SH3BGRL2: variants seen among roughly 807,000 people sequenced by gnomAD.
The protein encoded by SH3BGRL2 is SH3 domain binding glutamate rich protein like 2, also known as SH3 domain-binding glutamic acid-rich-like protein 2.
A neutral mutation model predicts 14.8 loss-of-function variants in SH3BGRL2; 21 were observed. The observed-to-expected ratio is 1.42, with a 90% CI of 1.01 to 2.05. SH3BGRL2 has a LOEUF of 2.05. Among genes scored for constraint, SH3BGRL2 ranks in the 30% most tolerant of loss-of-function variants. SH3BGRL2 has a pLI of 0.00. For missense variants in SH3BGRL2, 147 were observed against 130.8 expected, an observed-to-expected ratio of 1.12 and a Z score of -0.61; for synonymous variants, 50 against 47.8, an observed-to-expected ratio of 1.05 and a Z score of -0.19.
chr6:79,652,368 A>T (rs573573178), intron 1 of SH3BGRL2, among the ~76,000 whole-genome samples: 2 of 152,328 alleles, frequency 1.3e-5, no homozygotes, highest in East Asian at 3.9e-4. Flanking sequence ...CTTCAGGTTT[A>T]TAGCTTATCT....
intron 2 of SH3BGRL2, among the ~76,000 whole-genome samples, chr6:79,675,190 C>T (rs1769855795): frequency 6.6e-6 from 1 of 152,036 alleles, no homozygotes; most frequent in South Asian, 2.1e-4. Context: ...GTTTTCTGTC[C>T]CTCGGACTTC....
At chr6:79,551,575 A>G in the SH3BGRL2 span, among the ~76,000 whole-genome samples, 1 of 152,154 alleles carries the variant, frequency 6.6e-6, no homozygotes, top group Non-Finnish European at 1.5e-5. Context: ...TCCAGCCAAG[A>G]CCAGAAACAG....
intron 1 of SH3BGRL2, among the ~76,000 whole-genome samples, chr6:79,660,782 G>A (rs1312555660): frequency 6.6e-6 from 1 of 152,038 alleles, no homozygotes; most frequent in Non-Finnish European, 1.5e-5. Context: ...ACTTTTTTTG[G>A]TTGATAGGCT....
chr6:79,625,205 TAC>T, the SH3BGRL2 span, among the ~76,000 whole-genome samples: 41 of 141,748 alleles, frequency 2.9e-4, no homozygotes, highest in African/African-American at 1.1e-3. Flanking sequence ...CACACACACA[TAC>T]ATATATATAC....
chr6:79,646,185 C>T (rs1213838164), intron 1 of SH3BGRL2, among the ~76,000 whole-genome samples: 1 of 152,184 alleles, frequency 6.6e-6, no homozygotes, highest in East Asian at 1.9e-4. Flanking sequence ...GGGGCAAAAT[C>T]GCCCCTGGTT....
the SH3BGRL2 span, among the ~76,000 whole-genome samples, chr6:79,560,298 A>T: frequency 6.6e-6 from 1 of 152,244 alleles, no homozygotes; most frequent in Admixed American, 6.5e-5. Context: ...GGCTAGAAGG[A>T]TTATTAACCT....
In SH3BGRL2 at chr6:79,664,302, G is replaced by A. The variant is rs145908552; in HGVS notation, c.46-9312G>A. 3.0e-3 allele frequency among the ~76,000 whole-genome samples: 456 copies of A among 152,292 alleles called. 1 individual carries two copies. Among genetic ancestry groups the A allele is most frequent in the Non-Finnish European group, 4.8e-3 (328 of 68,022 alleles). On this transcript the variant is annotated intron_variant, in intron 1 of 3. Coordinates refer to ENST00000369838, the MANE Select transcript of SH3BGRL2 (RefSeq NM_031469.4). Reference sequence around the variant, plus strand: ...TGTTCCTATTCACCCACCTTGGAACGGACTTGTGATTGGATTTAATGTTTA... The same window carrying A: ...TGTTCCTATTCACCCACCTTGGAACAGACTTGTGATTGGATTTAATGTTTA...
At chr6:79,653,475 T>C (rs1769345036) in intron 1 of SH3BGRL2, among the ~76,000 whole-genome samples, 1 of 152,236 alleles carries the variant, frequency 6.6e-6, no homozygotes, top group Non-Finnish European at 1.5e-5. Context: ...ATGTGTGTCC[T>C]GGCTGTTGGG....
At chr6:79,681,075 T>C (rs1306715009) in intron 2 of SH3BGRL2, among the ~76,000 whole-genome samples, 3 of 152,206 alleles carry the variant, frequency 2.0e-5, no homozygotes, top group African/African-American at 2.4e-5. Flanking sequence ...GCTAATCAGA[T>C]AGTCAAGACA....
the SH3BGRL2 span, among the ~76,000 whole-genome samples, chr6:79,591,801 G>T: frequency 6.6e-6 from 1 of 152,304 alleles, no homozygotes; most frequent in East Asian, 1.9e-4. Flanking sequence ...TTATCCAAGA[G>T]CTACTGCTCA....
chr6:79,580,742 C>T, the SH3BGRL2 span, among the ~76,000 whole-genome samples: 1 of 151,942 alleles, frequency 6.6e-6, no homozygotes. Context: ...ACTAAAGAAG[C>T]AAGAGCAAAC....
At chr6:79,554,646 C>T in the SH3BGRL2 span, among the ~76,000 whole-genome samples, 2 of 152,128 alleles carry the variant, frequency 1.3e-5, no homozygotes, top group Non-Finnish European at 2.9e-5. Context: ...GTTAAGAGTA[C>T]AATACCAAAC....
upstream of SH3BGRL2, among the ~76,000 whole-genome samples, chr6:79,630,596 A>T (rs1382886838): frequency 1.3e-5 from 2 of 152,194 alleles, no homozygotes; most frequent in African/African-American, 2.4e-5. Flanking sequence ...AGGTGCACAG[A>T]GGCGAAGCCA....
At chr6:79,590,648 T>C in the SH3BGRL2 span, among the ~76,000 whole-genome samples, 1 of 151,322 alleles carries the variant, frequency 6.6e-6, no homozygotes. Context: ...AAGGGAACAA[T>C]AGACACTGGG....
intron 2 of SH3BGRL2, among the ~76,000 whole-genome samples, chr6:79,679,580 T>G (rs1769951050): frequency 6.6e-6 from 1 of 152,156 alleles, no homozygotes; most frequent in South Asian, 2.1e-4. Flanking sequence ...TAGTTTCTTT[T>G]AAATATATAC....
chr6:79,551,627 A>G, the SH3BGRL2 span, among the ~76,000 whole-genome samples: 1 of 152,148 alleles, frequency 6.6e-6, no homozygotes, highest in Non-Finnish European at 1.5e-5. Flanking sequence ...GCTTTATGCT[A>G]AACAGTTTGG....
chr6:79,613,783 T>A, the SH3BGRL2 span, among the ~76,000 whole-genome samples: 1 of 151,962 alleles, frequency 6.6e-6, no homozygotes, highest in Admixed American at 6.6e-5. Flanking sequence ...ATTTTTGTAT[T>A]TTTTAGCAGA....
At chr6:79,660,616 T>G (rs1388154993) in intron 1 of SH3BGRL2, among the ~76,000 whole-genome samples, 1 of 152,192 alleles carries the variant, frequency 6.6e-6, no homozygotes, top group African/African-American at 2.4e-5. Flanking sequence ...TGGTTGTGTC[T>G]CTGCTAGGCT....
At chr6:79,579,037 G>A in the SH3BGRL2 span, among the ~76,000 whole-genome samples, 1 of 152,178 alleles carries the variant, frequency 6.6e-6, no homozygotes, top group African/African-American at 2.4e-5. Flanking sequence ...CGATCAAGTG[G>A]AAGAAAGGGT....
Sources: allele counts gnomAD v4.1 joint callset (sites outside exome capture counted in the v4.1 genomes callset), GRCh38; gene constraint gnomAD v4.1.1; transcripts MANE v1.5; gene names NCBI Gene and HGNC (gene_info 2026-07-23, HGNC 2026-07-21).